Variants in LPIN3 observed in about 807,000 individuals in gnomAD.
LPIN3 encodes the protein phosphatidate phosphatase LPIN3.
LPIN3 carries 82 observed loss-of-function variants against 94.7 expected under a neutral mutation model. That is an observed-to-expected ratio of 0.87 (90% CI 0.72 to 1.04). LPIN3 has a LOEUF of 1.04. Ranked by LOEUF, LPIN3 falls within the 50% of genes least tolerant of loss-of-function variation. The pLI, the probability that LPIN3 is intolerant of heterozygous loss-of-function variation, is 0.00. For missense variants in LPIN3, 996 were observed against 1,090.5 expected, an observed-to-expected ratio of 0.91 and a Z score of 1.22; for synonymous variants, 418 against 443.3, an observed-to-expected ratio of 0.94 and a Z score of 0.72.
chr20:41,351,078 CAA>C (rs11309750), intron 7 of LPIN3, among the ~76,000 whole-genome samples: 32 of 139,338 alleles, frequency 2.3e-4, no homozygotes, highest in Admixed American at 4.3e-4. Flanking sequence ...CCCATCTCTA[CAA>C]AAAAAAAAAA....
At position 41,358,472 on chromosome 20, in the gene LPIN3, G is replaced by C. The variant is rs146490125; in HGVS notation, c.2341G>C (p.Glu781Gln). The C allele has an allele frequency of 1.5e-4, 242 of 1,613,932 alleles. No homozygotes were observed. The highest frequency in any genetic ancestry group is 8.2e-4 in the Middle Eastern group (5 of 6,084). ...TGCCTACCGGCAGGTGGGCCTGCCT[G>C]AGTCACGCATCTTCACAGTCAACCC... ...VFAYRQVGLP[E>Q]SRIFTVNPRG... Residue 781 changes from glutamate to glutamine, a missense_variant, in exon 19 of 20, where the codon GAG becomes CAG. By Grantham distance (29) the Glu-to-Gln change is conservative. Coordinates refer to ENST00000373257, the MANE Select transcript of LPIN3 (RefSeq NM_022896.3).
chr20:41,347,497 G>A, intron 2 of LPIN3, 55 bp from the exon 3 acceptor site: 1 of 1,556,270 alleles, frequency 6.4e-7, no homozygotes, highest in Admixed American at 1.7e-5. Context: ...GGAGGCCTGT[G>A]GTCGGAAGCA....
At position 41,349,824 on chromosome 20, in the gene LPIN3, T is replaced by C; in HGVS notation, c.689T>C (p.Val230Ala). The part of the protein sequence containing the change: ...TSPKSDSELE[V>A]RTPEPSPLRA... ...CCTAAGAGCGACTCGGAGCTGGAGG[T>C]GCGGACCCCGGAGCCCAGTCCCCTA... Residue 230 changes from valine to alanine, a missense_variant, in exon 6 of 20, where the codon GTG becomes GCG. Coordinates refer to ENST00000373257, the MANE Select transcript of LPIN3 (RefSeq NM_022896.3). 1 of 1,613,332 alleles carries C rather than the reference T, an allele frequency of 6.2e-7. No individual in the cohort carries two copies. The highest frequency in any genetic ancestry group is 8.5e-7 in the Non-Finnish European group (1 of 1,179,934).
chr20:41,341,124 T>TG (rs1023165660), intron 1 of LPIN3, 122 bp downstream of exon 1: 3 of 152,268 alleles, frequency 2.0e-5, no homozygotes, highest in African/African-American at 7.2e-5. Context: ...AGCTGTAAGA[T>TG]GGGGACGCAG....
At chr20:41,351,332 TG>T (rs1301691935) in intron 7 of LPIN3, among the ~76,000 whole-genome samples, 5 of 149,450 alleles carry the variant, frequency 3.3e-5, no homozygotes, top group Non-Finnish European at 7.4e-5. Flanking sequence ...AGTCTCGCTC[TG>T]TCACCCAGGC....
In LPIN3 at chr20:41,355,807, G is replaced by A. The variant is rs1159940837; in HGVS notation, c.1665-89G>A. The stretch of plus-strand genomic sequence containing the variant: ...TACCCTGGGTAGGCCCTGGCATGGC[G>A]GGGACAGGTCCAGCCTCCTCTTGGC... On this transcript the variant is annotated intron_variant, in intron 13 of 19. Transcript: ENST00000373257. 2.0e-5 allele frequency: 31 copies of A among 1,528,280 alleles called. No individual in the cohort carries two copies. In the East Asian group the frequency reaches 4.8e-4, roughly 24 times the overall value. 94.7% of individuals were successfully genotyped at this position (1,528,280 alleles called of 1,614,324 possible).
rs745911223 is a variant in LPIN3, at chr20:41,350,253, C to A, written c.958C>A (p.Pro320Thr). ...AGAGGATCCCACTCTAGTGGGTCCC[C>A]CTCTCCACACCCCAGAGACAGAGGA... ...DTEDPTLVGP[P>T]LHTPETEESK... The change falls in exon 7 of 20, where the codon CCT becomes ACT. Residue 320 changes from proline to threonine, a missense_variant. Coordinates refer to ENST00000373257, the MANE Select transcript of LPIN3 (RefSeq NM_022896.3). The A allele has an allele frequency of 6.2e-7, 1 of 1,613,820 alleles. No individual in the cohort carries two copies. Among genetic ancestry groups the A allele is most frequent in the South Asian group, 1.1e-5 (1 of 91,066 alleles).
At position 41,358,282 on chromosome 20, in the gene LPIN3, G is replaced by C; in HGVS notation, c.2238G>C (p.Leu746=). Residue 746 remains leucine (L), a synonymous_variant, in exon 18 of 20, where the codon CTG becomes CTC. Coordinates refer to ENST00000373257, the MANE Select transcript of LPIN3 (RefSeq NM_022896.3). The stretch of plus-strand genomic sequence containing the variant: ...CAGAGGTGTTCAAGGTCGCCTGCCT[G>C]AGTGACATCCAGCAGCTGTTTCTGC... ...KKPEVFKVAC[L]SDIQQLFLPH... is the part of the protein sequence containing the mutation. The C allele has an allele frequency of 1.2e-6, 2 of 1,614,162 alleles. No individual in the cohort carries two copies. Among genetic ancestry groups the C allele is most frequent in the Non-Finnish European group, 1.7e-6 (2 of 1,180,036 alleles).
At position 41,354,098 on chromosome 20, in the gene LPIN3, G is replaced by A. The variant is rs1436550843; in HGVS notation, c.1528-547G>A. Among the ~76,000 whole-genome samples the A allele has an allele frequency of 2.0e-5, 3 of 152,328 alleles. No homozygotes were observed. In the South Asian group the frequency reaches 6.2e-4, roughly 32 times the overall value. ...GGACTTGGCCTGGCCTCTCCCTGGG[G>A]TTATCTATAATAGCATAGATCTAAT... On this transcript the variant is annotated intron_variant, in intron 11 of 19. Coordinates refer to ENST00000373257, the MANE Select transcript of LPIN3 (RefSeq NM_022896.3).
Position 41,358,779 on chromosome 20 carries a change from C to T in LPIN3, c.2469C>T (p.Pro823=). The part of the protein sequence containing the change: ...ELLFPPVARG[P]STDLANPEYS... ...TCTTCCCACCTGTGGCCCGTGGCCC[C>T]AGCACAGACCTGGCCAACCCTGAAT... Residue 823 remains proline, a synonymous_variant, in exon 20 of 20, where the codon CCC becomes CCT. Coordinates refer to ENST00000373257, the MANE Select transcript of LPIN3 (RefSeq NM_022896.3). 2 of 1,614,154 alleles carry T rather than the reference C, an allele frequency of 1.2e-6. No individual in the cohort carries two copies. The highest frequency in any genetic ancestry group is 1.7e-6 in the Non-Finnish European group (2 of 1,180,016).
rs2045887462 is a variant in LPIN3 at position 41,348,829 on chromosome 20, G to T, written c.499G>T (p.Glu167Ter). 6.2e-7 allele frequency: 1 copy of T among 1,610,832 alleles called. No individual in the cohort carries two copies. Among genetic ancestry groups the T allele is most frequent in the African/African-American group, 1.3e-5 (1 of 74,862 alleles). The change falls in exon 4 of 20, where the codon GAG (glutamate) becomes TAG (stop). Residue 167 changes from glutamate (E) to a stop codon, truncating the protein, a stop_gained. Transcript: ENST00000373257. LOFTEE classifies it high-confidence loss of function. ...AACTGATTCTAGTCCAGAGGAACTGGAGGCAGGCGCTGAGAGTGAGCTATC... is the reference window on the plus strand; with the variant it reads ...AACTGATTCTAGTCCAGAGGAACTGTAGGCAGGCGCTGAGAGTGAGCTATC... ...VATDSSPEEL[E>*]AGAESELSLP...
At chr20:41,349,242 T>G (rs2045909447) in intron 5 of LPIN3, 70 bp downstream of exon 5, 20 of 1,337,566 alleles carry the variant, frequency 1.5e-5, no homozygotes, top group Non-Finnish European at 2.1e-5. Flanking sequence ...GCATTTTTCC[T>G]GATGACTAAT....
intron 3 of LPIN3, among the ~76,000 whole-genome samples, chr20:41,348,335 T>A (rs2045862660): frequency 1.3e-5 from 2 of 152,174 alleles, no homozygotes. Context: ...GGCTGAATCT[T>A]AAAGCAGAAG....
chr20:41,357,282 C>T, intron 15 of LPIN3, 79 bp from the exon 16 acceptor site: 9 of 1,601,330 alleles, frequency 5.6e-6, no homozygotes, highest in Admixed American at 3.3e-5. Context: ...AGGAGCCCTC[C>T]CTTCCTGGTG....
chr20:41,345,842 G>A lies in LPIN3; in HGVS notation c.39G>A (p.Gly13=), dbSNP rs16985673. The change falls in exon 2 of 20, where the codon GGG becomes GGA. Residue 13 remains glycine, a synonymous_variant. Coordinates refer to ENST00000373257, the MANE Select transcript of LPIN3 (RefSeq NM_022896.3). ...YVGQLAETVF[G]TVKELYRGLN... ...GGCAGCTGGCGGAGACGGTGTTTGGGACGGTGAAGGAGCTGTACCGGGGCC... is the reference window on the plus strand; with the variant it reads ...GGCAGCTGGCGGAGACGGTGTTTGGAACGGTGAAGGAGCTGTACCGGGGCC... The A allele has an allele frequency of 2.5e-6, 4 of 1,613,974 alleles. No individual in the cohort carries two copies. In the African/African-American group the frequency reaches 5.3e-5, roughly 22 times the overall value.
At chr20:41,349,362 A>T (rs959214981) in intron 5 of LPIN3, among the ~76,000 whole-genome samples, 190 bp downstream of exon 5, 4 of 151,756 alleles carry the variant, frequency 2.6e-5, no homozygotes, top group Non-Finnish European at 5.9e-5. Context: ...CATAACATAA[A>T]TTTACCATTT....
At chr20:41,356,494 C>G (rs2147001533) in intron 14 of LPIN3, among the ~76,000 whole-genome samples, 1 of 152,250 alleles carries the variant, frequency 6.6e-6, no homozygotes, top group Non-Finnish European at 1.5e-5. Context: ...AGGGGCTGAC[C>G]AGCCAGTACA....
At chr20:41,358,635 T>G in intron 19 of LPIN3, 87 bp from the exon 20 acceptor site, 1 of 1,602,192 alleles carries the variant, frequency 6.2e-7, no homozygotes. Flanking sequence ...TACCGGGGAG[T>G]CTGTCCCTTA....
intron 17 of LPIN3, 27 bp downstream of exon 17, chr20:41,358,061 G>C (rs375927324): frequency 1.9e-6 from 3 of 1,574,778 alleles, no homozygotes; most frequent in Admixed American, 1.8e-5. Context: ...ATACAAGCCC[G>C]TGGCCCCCTG....
Sources: gnomAD v4.1 joint callset for allele counts (sites outside exome capture counted in the v4.1 genomes callset) on GRCh38, gnomAD v4.1.1 for gene constraint, MANE v1.5 for transcripts, NCBI Gene and HGNC (gene_info 2026-07-23, HGNC 2026-07-21) for gene names.